Variants in PCID2 observed in about 807,000 individuals in gnomAD.
PCID2 encodes the protein PCI domain containing 2.
In PCID2, 41 loss-of-function variants were observed where a neutral mutation model predicts 61.3. The observed-to-expected ratio is 0.67, with a 90% confidence interval of 0.52 to 0.87. PCID2 has a LOEUF of 0.87. Ranked by LOEUF, PCID2 falls within the 40% of genes least tolerant of loss-of-function variation. The pLI is 0.00. For synonymous variants in PCID2, 187 were observed against 177.8 expected (o/e 1.05, Z -0.41); for missense variants, 392 against 493.4 (o/e 0.79, Z 1.95).
At chr13:113,170,282 C>A in the PCID2 span, 1 of 609,058 alleles carries the variant, frequency 1.6e-6, no homozygotes, top group Non-Finnish European at 2.9e-6. Flanking sequence ...GAATCAAATA[C>A]GGCTGTCTGC....
the PCID2 span, among the ~76,000 whole-genome samples, chr13:113,168,025 G>A: frequency 1.3e-5 from 2 of 152,194 alleles, no homozygotes; most frequent in South Asian, 2.1e-4. Flanking sequence ...ACATCCGCTC[G>A]CTGTAGCATG....
rs769222964 is a variant in PCID2, at chr13:113,196,179, A to G, written c.308+2T>C. On this transcript the variant is annotated splice_donor_variant, in intron 5 of 13. Transcript: ENST00000337344. LOFTEE classifies it high-confidence loss of function. ...AATTCAGCTGTTTCTGTTCACACTTACCAGTTTTCTTCTTTGTGGGCCTGG... is the reference window on the plus strand; with the variant it reads ...AATTCAGCTGTTTCTGTTCACACTTGCCAGTTTTCTTCTTTGTGGGCCTGG... The G allele has an allele frequency of 6.2e-7, 1 of 1,605,644 alleles. No homozygotes were observed. The highest frequency in any genetic ancestry group is 1.1e-5 in the South Asian group (1 of 90,472).
the PCID2 span, among the ~76,000 whole-genome samples, chr13:113,168,330 T>C: frequency 6.6e-6 from 1 of 152,216 alleles, no homozygotes; most frequent in African/African-American, 2.4e-5. Context: ...CCCTTTGATA[T>C]CTGCTGTGCT....
At chr13:113,183,539 G>A (rs183767757) in intron 9 of PCID2, among the ~76,000 whole-genome samples, 1 of 152,260 alleles carries the variant, frequency 6.6e-6, no homozygotes, top group Non-Finnish European at 1.5e-5. Context: ...TAAAAACTGT[G>A]AAAGGAAATG....
At chr13:113,195,972 C>T (rs898781891) in intron 5 of PCID2, among the ~76,000 whole-genome samples, 1 of 152,152 alleles carries the variant, frequency 6.6e-6, no homozygotes, top group African/African-American at 2.4e-5. Context: ...TTGACATAGA[C>T]ACACTGCAAA....
intron 2 of PCID2, among the ~76,000 whole-genome samples, chr13:113,199,983 A>AAT (rs2039294665): frequency 1.3e-5 from 2 of 152,356 alleles, no homozygotes; most frequent in African/African-American, 4.8e-5. Context: ...TTCTATAGAA[A>AAT]ATACTGCCTC....
intron 9 of PCID2, 173 bp downstream of exon 9, chr13:113,184,173 A>C (rs2037893550): frequency 2.4e-6 from 1 of 422,034 alleles, no homozygotes; most frequent in African/African-American, 2.2e-5. Flanking sequence ...TGGATTAAGA[A>C]TCTTCAATAT....
At chr13:113,176,145 C>A (rs4907593), downstream of PCID2, among the ~76,000 whole-genome samples, 1 of 152,146 alleles carries the variant, frequency 6.6e-6, no homozygotes, top group African/African-American at 2.4e-5. Flanking sequence ...GTGAGTCCTG[C>A]GCCGCGCGGC....
chr13:113,181,889 A>G (rs1407947885), intron 9 of PCID2, among the ~76,000 whole-genome samples: 1 of 152,222 alleles, frequency 6.6e-6, no homozygotes, highest in Non-Finnish European at 1.5e-5. Flanking sequence ...AGTTCAGCAC[A>G]TGCTAACAAG....
At chr13:113,205,013 G>A (rs964022524) in intron 1 of PCID2, among the ~76,000 whole-genome samples, 2 of 152,094 alleles carry the variant, frequency 1.3e-5, no homozygotes, top group Admixed American at 6.5e-5. Flanking sequence ...TGCCCCTCAC[G>A]CCCTCCAGTC....
At chr13:113,207,191 C>CT (rs2139004330) in intron 1 of PCID2, among the ~76,000 whole-genome samples, 1 of 152,324 alleles carries the variant, frequency 6.6e-6, no homozygotes, top group South Asian at 2.1e-4. Context: ...GTTCTCAAAT[C>CT]TATTTTTGCT....
intron 7 of PCID2, chr13:113,188,612 T>A (rs903719911): frequency 6.6e-6 from 1 of 152,222 alleles, no homozygotes; most frequent in Non-Finnish European, 1.5e-5. Context: ...GACAAAAAGA[T>A]GGCAGTGCTT....
At position 113,179,123 on chromosome 13, in the gene PCID2, C is replaced by A; in HGVS notation, c.987-34G>T. On this transcript the variant is annotated intron_variant, in intron 12 of 13. Transcript: ENST00000337344. This position sits in a 1 kb window ranked among gnomAD's most constrained non-coding sequence, Gnocchi z 4.3. ...GGGGAGGAGAAGGGCACTGTGGTTACCGACAGGATGCAATACTCCACAGCC... is the reference window on the plus strand; with the variant it reads ...GGGGAGGAGAAGGGCACTGTGGTTAACGACAGGATGCAATACTCCACAGCC... 1 of 1,600,768 alleles carries A rather than the reference C, an allele frequency of 6.2e-7. No homozygotes were observed. The highest frequency in any genetic ancestry group is 8.5e-7 in the Non-Finnish European group (1 of 1,172,808).
intron 4 of PCID2, 53 bp from the exon 5 acceptor site, chr13:113,196,275 A>G (rs775002223): frequency 3.8e-6 from 5 of 1,324,254 alleles, no homozygotes; most frequent in Non-Finnish European, 5.4e-6. Flanking sequence ...GCTACGTACG[A>G]TAAAAGTAAA....
At chr13:113,189,509 C>A (rs1202088951) in intron 7 of PCID2, among the ~76,000 whole-genome samples, 15 of 151,962 alleles carry the variant, frequency 9.9e-5, no homozygotes, top group Non-Finnish European at 1.9e-4. Context: ...ATATGGATAC[C>A]TTTGATAATC....
At position 113,179,194 on chromosome 13, in the gene PCID2, A is replaced by G; in HGVS notation, c.987-105T>C. The G allele has an allele frequency of 1.1e-6, 1 of 883,142 alleles. No homozygotes were observed. The highest frequency in any genetic ancestry group is 2.6e-5 in the East Asian group (1 of 38,270). 54.7% of individuals were successfully genotyped at this position (883,142 alleles called of 1,614,324 possible). A position where few individuals can be genotyped will look rare whatever the true frequency, so the allele number is the denominator to read the frequency against. ...AAGCCGGTGTTCTAAAGGAGTAAAA[A>G]AATTCCCACCTATTAGATAAACTCT... is the stretch of plus-strand genomic sequence containing the variant. On this transcript the variant is annotated intron_variant, in intron 12 of 13. Coordinates refer to ENST00000337344, the MANE Select transcript of PCID2 (RefSeq NM_001127202.4). This position sits in a 1 kb window ranked among gnomAD's most constrained non-coding sequence, Gnocchi z 4.3.
In PCID2 at chr13:113,178,279, G is replaced by T. The variant is rs113255612; in HGVS notation, c.1119C>A (p.Val373=). Residue 373 remains valine (V), a synonymous_variant, in exon 14 of 14, where the codon GTC becomes GTA. Coordinates refer to ENST00000337344, the MANE Select transcript of PCID2 (RefSeq NM_001127202.4). ...ILANLIYMGH[V]KGYISHQHQK... is the part of the protein sequence containing the mutation. Reference sequence around the variant, plus strand: ...GATGCTGATGCGATATGTAGCCTTTGACGTGTCCCTGCGGGGCAGAAAGGG... The same window carrying T: ...GATGCTGATGCGATATGTAGCCTTTTACGTGTCCCTGCGGGGCAGAAAGGG... 2.8e-5 allele frequency: 45 copies of T among 1,613,088 alleles called. No individual in the cohort carries two copies. Among genetic ancestry groups the T allele is most frequent in the Non-Finnish European group, 3.6e-5 (43 of 1,179,348 alleles).
intron 4 of PCID2, among the ~76,000 whole-genome samples, chr13:113,196,642 A>G (rs1595236277): frequency 6.6e-6 from 1 of 152,238 alleles, no homozygotes; most frequent in South Asian, 2.1e-4. Context: ...TCTTCTGTGT[A>G]TATTTAAACA....
intron 13 of PCID2, among the ~76,000 whole-genome samples, chr13:113,178,639 T>C (rs575087352): frequency 2.0e-5 from 3 of 152,322 alleles, no homozygotes; most frequent in East Asian, 1.9e-4. Context: ...ATTTAAAGTA[T>C]ACAGGAGGAC....
Sources: allele counts gnomAD v4.1 joint callset (sites outside exome capture counted in the v4.1 genomes callset), GRCh38; gene constraint gnomAD v4.1.1; non-coding constraint Gnocchi (gnomAD v3.1); transcripts MANE v1.5; gene names NCBI Gene and HGNC (gene_info 2026-07-23, HGNC 2026-07-21).